Variants in PRDM5 observed in about 807,000 individuals in gnomAD.
PRDM5 encodes the protein PR/SET domain 5.
A neutral mutation model predicts 81.2 loss-of-function variants in PRDM5; 56 were observed. The observed-to-expected ratio is 0.69, with a 90% CI of 0.56 to 0.86. The LOEUF is 0.86. Ranked by LOEUF, PRDM5 falls within the 40% of genes least tolerant of loss-of-function variation. The pLI is 0.00. For missense variants in PRDM5, 697 were observed against 770.1 expected (o/e 0.91, Z 1.12); for synonymous variants, 267 against 256.4 (o/e 1.04, Z -0.39).
At chr4:120,832,754 G>C (rs1336828851) in intron 3 of PRDM5, among the ~76,000 whole-genome samples, 2 of 152,120 alleles carry the variant, frequency 1.3e-5, no homozygotes, top group Non-Finnish European at 2.9e-5. Flanking sequence ...TCAGAAAGTA[G>C]AATGAGCTAC....
At chr4:120,806,312 T>G (rs973132363) in intron 8 of PRDM5, among the ~76,000 whole-genome samples, 2 of 152,204 alleles carry the variant, frequency 1.3e-5, no homozygotes, top group African/African-American at 2.4e-5. Context: ...CCTATCAAGC[T>G]ACTAATGACT....
chr4:120,751,793 T>C (rs60530445), intron 14 of PRDM5, among the ~76,000 whole-genome samples: 5,434 of 152,236 alleles, frequency 0.036, 319 homozygotes, highest in African/African-American at 0.12. Flanking sequence ...TGTGTTCCTT[T>C]TGGAAAGCAT....
At chr4:120,906,364 G>A (rs1765789965) in intron 2 of PRDM5, among the ~76,000 whole-genome samples, 1 of 152,128 alleles carries the variant, frequency 6.6e-6, no homozygotes. Flanking sequence ...TACCGTCCAG[G>A]AGCAATAGGC....
At chr4:120,786,123 A>T (rs1349137647) in intron 10 of PRDM5, among the ~76,000 whole-genome samples, 1 of 152,136 alleles carries the variant, frequency 6.6e-6, no homozygotes, top group Non-Finnish European at 1.5e-5. Flanking sequence ...TGTGACAAAA[A>T]CAAAAAAGTA....
At chr4:120,873,960 T>C (rs1762100157) in intron 2 of PRDM5, among the ~76,000 whole-genome samples, 1 of 152,098 alleles carries the variant, frequency 6.6e-6, no homozygotes, top group Non-Finnish European at 1.5e-5. Context: ...GTTTATCCAG[T>C]TTTTTTATTT....
chr4:120,916,406 A>C (rs553200518), intron 1 of PRDM5, among the ~76,000 whole-genome samples: 2 of 150,596 alleles, frequency 1.3e-5, no homozygotes, highest in African/African-American at 5.0e-5. Flanking sequence ...TAAATAAATA[A>C]ATAAATAAAT....
At chr4:120,858,393 C>G (rs924392395) in intron 2 of PRDM5, among the ~76,000 whole-genome samples, 3 of 148,824 alleles carry the variant, frequency 2.0e-5, no homozygotes, top group African/African-American at 2.4e-5. Flanking sequence ...TCTGACGGCA[C>G]ATTGTTTGTC....
intron 13 of PRDM5, among the ~76,000 whole-genome samples, chr4:120,765,499 A>G (rs1021767317): frequency 1.3e-5 from 2 of 152,184 alleles, no homozygotes; most frequent in African/African-American, 4.8e-5. Context: ...GCTATAAACC[A>G]ACAGGAGACT....
chr4:120,775,011 C>CAT (rs905475982), intron 13 of PRDM5, among the ~76,000 whole-genome samples: 2 of 149,644 alleles, frequency 1.3e-5, no homozygotes, highest in South Asian at 2.1e-4. Flanking sequence ...TACACAAACA[C>CAT]ATATATATAT....
intron 7 of PRDM5, among the ~76,000 whole-genome samples, chr4:120,815,670 A>G (rs1754393984): frequency 6.6e-6 from 1 of 152,226 alleles, no homozygotes; most frequent in Non-Finnish European, 1.5e-5. Context: ...CCCATTTCCC[A>G]GAAGTCAAGG....
chr4:120,717,485 G>A (rs1411273822), intron 14 of PRDM5, among the ~76,000 whole-genome samples: 1 of 152,132 alleles, frequency 6.6e-6, no homozygotes, highest in African/African-American at 2.4e-5. Flanking sequence ...ATCTTCAAAT[G>A]TTACATTTTT....
At chr4:120,713,294 T>C (rs1737270619) in intron 14 of PRDM5, among the ~76,000 whole-genome samples, 1 of 152,184 alleles carries the variant, frequency 6.6e-6, no homozygotes, top group Non-Finnish European at 1.5e-5. Context: ...TATACTCATC[T>C]TTTTGCTTTC....
rs542564387 is a variant in PRDM5, at chr4:120,877,224, G to A, written c.178-23684C>T. Among the ~76,000 whole-genome samples, 4 of 152,172 alleles carry A rather than the reference G, an allele frequency of 2.6e-5. No individual in the cohort carries two copies. In the East Asian group the frequency reaches 5.8e-4, roughly 22 times the overall value. On this transcript the variant is annotated intron_variant, in intron 2 of 15. Transcript: ENST00000264808. ...TATATTTTTACGGCCTTGAATAAACGAAGACTTTGTTTCTGAAACACAAGT... is the reference window on the plus strand; with the variant it reads ...TATATTTTTACGGCCTTGAATAAACAAAGACTTTGTTTCTGAAACACAAGT...
intron 3 of PRDM5, among the ~76,000 whole-genome samples, chr4:120,828,496 G>C (rs1170568148): frequency 1.3e-5 from 2 of 152,008 alleles, no homozygotes; most frequent in African/African-American, 4.8e-5. Context: ...GAATAATCAG[G>C]TCAGGAATGA....
intron 2 of PRDM5, among the ~76,000 whole-genome samples, chr4:120,869,803 GA>G (rs549024234): frequency 2.6e-5 from 4 of 151,834 alleles, no homozygotes; most frequent in Non-Finnish European, 5.9e-5. Flanking sequence ...TTGCCATGTT[GA>G]AAAAAAACCT....
intron 15 of PRDM5, among the ~76,000 whole-genome samples, chr4:120,706,334 C>T (rs1242358058): frequency 6.6e-6 from 1 of 152,044 alleles, no homozygotes; most frequent in Non-Finnish European, 1.5e-5. Flanking sequence ...GTGTATTTCC[C>T]ATATGAGGAC....
intron 1 of PRDM5, among the ~76,000 whole-genome samples, chr4:120,908,683 G>A (rs1469326137): frequency 1.3e-5 from 2 of 152,192 alleles, no homozygotes; most frequent in Non-Finnish European, 2.9e-5. Context: ...TGTTAACTTA[G>A]GGGCAGAAAA....
intron 2 of PRDM5, among the ~76,000 whole-genome samples, chr4:120,882,249 G>A (rs1304640963): frequency 6.6e-6 from 1 of 152,214 alleles, no homozygotes; most frequent in African/African-American, 2.4e-5. Context: ...CCGGGTTCAA[G>A]CGATTCTCCT....
intron 10 of PRDM5, among the ~76,000 whole-genome samples, chr4:120,794,562 C>A (rs2149272929): frequency 6.9e-6 from 1 of 145,834 alleles, no homozygotes; most frequent in African/African-American, 2.5e-5. Context: ...CACACACATA[C>A]AAATACACAC....
Sources: gnomAD v4.1 joint callset for allele counts (sites outside exome capture counted in the v4.1 genomes callset) on GRCh38, gnomAD v4.1.1 for gene constraint, MANE v1.5 for transcripts, NCBI Gene and HGNC (gene_info 2026-07-23, HGNC 2026-07-21) for gene names.